CCND3: variants seen among roughly 807,000 people sequenced by gnomAD.
The protein encoded by CCND3 is cyclin D3, also known as G1/S-specific cyclin-D3.
In CCND3, 9 loss-of-function variants were observed where a neutral mutation model predicts 28.7. The ratio of observed to expected loss-of-function variants is 0.31; its 90% CI spans 0.19 to 0.55. The LOEUF (loss-of-function observed/expected upper bound fraction) is 0.55. CCND3 is among the 20% of genes least tolerant of loss of function. The pLI is 0.93. For missense variants in CCND3, 315 were observed against 385.8 expected (o/e 0.82, Z 1.54); for synonymous variants, 164 against 163.9 (o/e 1.00, Z 0.00).
chr6:41,936,688 G>A lies in CCND3; in HGVS notation c.582C>T (p.Thr194=), dbSNP rs1196148795. 6.2e-7 allele frequency: 1 copy of A among 1,613,750 alleles called. No homozygotes were observed. The highest frequency in any genetic ancestry group is 8.5e-7 in the Non-Finnish European group (1 of 1,179,806). ...TFLALCATDY[T]FAMYPPSMIA... ...TCATGGATGGCGGGTACATGGCAAAGGTATAATCTTGGAGAGGAGGAAAGG... is the reference window on the plus strand; with the variant it reads ...TCATGGATGGCGGGTACATGGCAAAAGTATAATCTTGGAGAGGAGGAAAGG... The change falls in exon 4 of 5, where the codon ACC becomes ACT. Residue 194 remains threonine, a synonymous_variant. Coordinates refer to ENST00000372991, the MANE Select transcript of CCND3 (RefSeq NM_001760.5). The surrounding 1 kb of genome is among the most constrained non-coding windows in gnomAD (Gnocchi z 4.4).
chr6:41,953,021 C>T (rs985416702), intron 1 of CCND3, among the ~76,000 whole-genome samples: 2 of 152,138 alleles, frequency 1.3e-5, no homozygotes, highest in African/African-American at 4.8e-5. Context: ...CCTGTAATCC[C>T]AGCACTTTGG....
intron 1 of CCND3, among the ~76,000 whole-genome samples, chr6:41,995,332 G>A (rs886167293): frequency 4.0e-5 from 6 of 151,888 alleles, no homozygotes; most frequent in Non-Finnish European, 8.8e-5. Flanking sequence ...ATCTCAGCGC[G>A]CTGCCACCTC....
intron 1 of CCND3, among the ~76,000 whole-genome samples, chr6:41,996,140 T>A (rs59841455): frequency 0.7 from 77,352 of 111,136 alleles, 22,706 homozygotes; most frequent in Admixed American, 0.74. Flanking sequence ...ATATATATAT[T>A]TTTTTTGTTT....
chr6:42,008,378 C>CA (rs1295670287), intron 1 of CCND3, among the ~76,000 whole-genome samples: 3 of 151,480 alleles, frequency 2.0e-5, no homozygotes, highest in Non-Finnish European at 2.9e-5. Flanking sequence ...AACTCTGTCT[C>CA]AAAAAAAAGA....
At chr6:41,987,517 CTGTGTGTG>C (rs139188810) in intron 1 of CCND3, among the ~76,000 whole-genome samples, 6 of 60,252 alleles carry the variant, frequency 1.0e-4, no homozygotes, top group East Asian at 4.9e-4. Flanking sequence ...CTCTCTCTCT[CTGTGTGTG>C]TGTGTGTGTG....
chr6:41,992,729 G>T (rs1762691499), intron 1 of CCND3, among the ~76,000 whole-genome samples: 1 of 151,852 alleles, frequency 6.6e-6, no homozygotes, highest in Admixed American at 6.6e-5. Flanking sequence ...TTACAGGTGT[G>T]AGCCACAACA....
At chr6:42,032,758 G>A (rs1764080892) in intron 1 of CCND3, among the ~76,000 whole-genome samples, 1 of 152,156 alleles carries the variant, frequency 6.6e-6, no homozygotes, top group Admixed American at 6.5e-5. Flanking sequence ...TGCCTGACCT[G>A]TACCACAGAA....
At chr6:41,962,051 TC>T in intron 1 of CCND3, among the ~76,000 whole-genome samples, 1 of 152,286 alleles carries the variant, frequency 6.6e-6, no homozygotes, top group Admixed American at 6.5e-5. Flanking sequence ...TAGCCTCTCT[TC>T]CACCAGTTAC....
rs190539598 is a variant in CCND3, at chr6:42,021,189, G to A, written c.-46+27312C>T. On this transcript the variant is annotated intron_variant, in intron 1 of 4. Transcript: ENST00000372988. ...TTCTGTTTTATTATTAGTCATTGTG[G>A]TTAATCTCTTACTGTACGTAATTTA... Among the ~76,000 whole-genome samples the A allele has an allele frequency of 2.5e-3, 384 of 152,286 alleles. 8 individuals carry two copies. The highest frequency in any genetic ancestry group is 6.8e-3 in the Middle Eastern group (2 of 294).
At chr6:41,999,409 C>T (rs1179113888) in intron 1 of CCND3, among the ~76,000 whole-genome samples, 4 of 151,894 alleles carry the variant, frequency 2.6e-5, no homozygotes, top group Non-Finnish European at 4.4e-5. Context: ...CCACCATGCC[C>T]GGCTAATTTT....
chr6:41,976,066 G>A (rs944964219), intron 1 of CCND3, among the ~76,000 whole-genome samples: 1 of 151,840 alleles, frequency 6.6e-6, no homozygotes, highest in African/African-American at 2.4e-5. Context: ...AATTAGCTGG[G>A]TCTGGCCGGG....
intron 1 of CCND3, among the ~76,000 whole-genome samples, chr6:41,988,766 T>A (rs1225844440): frequency 6.9e-6 from 1 of 145,552 alleles, no homozygotes; most frequent in Non-Finnish European, 1.5e-5. Flanking sequence ...TGGCGCGATG[T>A]CGGCTCACTG....
At chr6:42,045,503 T>C (rs367942558) in intron 1 of CCND3, among the ~76,000 whole-genome samples, 5 of 152,216 alleles carry the variant, frequency 3.3e-5, no homozygotes, top group African/African-American at 1.2e-4. Flanking sequence ...AAGTGGCAAT[T>C]ACAGCCACAT....
upstream of CCND3, among the ~76,000 whole-genome samples, chr6:41,944,565 G>A (rs1776122648): frequency 6.6e-6 from 1 of 152,150 alleles, no homozygotes; most frequent in Non-Finnish European, 1.5e-5. Context: ...GGGATTACGG[G>A]TGCATACCAC....
intron 1 of CCND3, among the ~76,000 whole-genome samples, chr6:41,958,089 CTGGG>C (rs951568318): frequency 1.5e-4 from 23 of 151,550 alleles, no homozygotes; most frequent in African/African-American, 5.6e-4. Flanking sequence ...CCTCCACCTC[CTGGG>C]TTCAAGTGAT....
chr6:41,937,195 G>A (rs765784325), intron 3 of CCND3, 40 bp downstream of exon 3: 4 of 1,609,250 alleles, frequency 2.5e-6, no homozygotes, highest in Non-Finnish European at 3.4e-6. Context: ...TAAGTCTTCT[G>A]ATTTTTCCAA....
intron 1 of CCND3, among the ~76,000 whole-genome samples, chr6:41,978,462 G>A (rs1196339925): frequency 6.6e-6 from 1 of 152,008 alleles, no homozygotes; most frequent in Non-Finnish European, 1.5e-5. Context: ...CTTCAACCCA[G>A]GAGGTGGAGG....
Position 41,941,783 on chromosome 6 carries a change from C to CG in CCND3, c.-135_-134insC, listed in dbSNP as rs1561953421. The CG allele has an allele frequency of 1.1e-4, 39 of 355,364 alleles. No individual in the cohort carries two copies. Among genetic ancestry groups the CG allele is most frequent in the Non-Finnish European group, 1.5e-4 (32 of 210,352 alleles). The allele number at this position is 355,364 out of a possible 1,614,324, so 22.0% of individuals were successfully genotyped here. On this transcript the variant is annotated 5_prime_UTR_variant, in exon 1 of 5. Coordinates refer to ENST00000372991, the MANE Select transcript of CCND3 (RefSeq NM_001760.5). The surrounding 1 kb of genome is among the most constrained non-coding windows in gnomAD (Gnocchi z 6.1). ...GGCGGATCCCCAGCCCGCCCGCCGC[C>CG]CGCGCGCGCGCGCCGCTTCCCTGAC... is the stretch of plus-strand genomic sequence containing the variant.
Position 41,936,541 on chromosome 6 carries a change from C to T in CCND3, c.711+18G>A, listed in dbSNP as rs999894911. ...CTTTATGAATGGAGAGGCTGCTGCC[C>T]AGCTACCCAGCACTCACCACTTCAG... On this transcript the variant is annotated intron_variant, in intron 4 of 4. Transcript: ENST00000372991. This position sits in a 1 kb window ranked among gnomAD's most constrained non-coding sequence, Gnocchi z 4.4. 1 of 1,613,184 alleles carries T rather than the reference C, an allele frequency of 6.2e-7. No homozygotes were observed. The highest frequency in any genetic ancestry group is 8.5e-7 in the Non-Finnish European group (1 of 1,179,512).
Sources: allele counts gnomAD v4.1 joint callset (sites outside exome capture counted in the v4.1 genomes callset), GRCh38; gene constraint gnomAD v4.1.1; non-coding constraint Gnocchi (gnomAD v3.1); transcripts MANE v1.5; gene names NCBI Gene and HGNC (gene_info 2026-07-23, HGNC 2026-07-21).